Variants in PTPRT observed in about 807,000 individuals in gnomAD.
PTPRT encodes receptor-type tyrosine-protein phosphatase T.
In PTPRT, 56 loss-of-function variants were observed where a neutral mutation model predicts 176.8. The observed-to-expected ratio is 0.32, with a 90% CI of 0.26 to 0.40. The LOEUF (loss-of-function observed/expected upper bound fraction) is 0.40. Ranked by LOEUF, PTPRT falls within the 10% of genes least tolerant of loss-of-function variation. The pLI is 1.00. For missense variants in PTPRT, 1,540 were observed against 1,908.2 expected, an observed-to-expected ratio of 0.81 and a Z score of 3.60; for synonymous variants, 783 against 739.0, an observed-to-expected ratio of 1.06 and a Z score of -0.96.
chr20:42,066,702 G>C, the PTPRT span, among the ~76,000 whole-genome samples: 1 of 152,116 alleles, frequency 6.6e-6, no homozygotes, highest in South Asian at 2.1e-4. Context: ...TCTATTTCTT[G>C]AGCCAATTTT....
At chr20:42,355,019 T>C (rs2058338992) in intron 9 of PTPRT, among the ~76,000 whole-genome samples, 2 of 152,062 alleles carry the variant, frequency 1.3e-5, no homozygotes, top group Admixed American at 1.3e-4. Flanking sequence ...GTCTACAGCA[T>C]TCCCTCTGGT....
chr20:42,503,910 T>C (rs1007537316), intron 7 of PTPRT, among the ~76,000 whole-genome samples: 15 of 152,148 alleles, frequency 9.9e-5, no homozygotes, highest in Non-Finnish European at 1.6e-4. Flanking sequence ...TATAACCTGA[T>C]TGACTCCCTC....
rs751279909 is a variant in PTPRT, at chr20:42,076,778, G to A, written c.*4101C>T. On this transcript the variant is annotated 3_prime_UTR_variant, in exon 31 of 31. Transcript: ENST00000373187. ...ATAGAGTCATATTAAAACCAACAAGGCTAAATCAGAAAGTGGAATGCAAAT... is the reference window on the plus strand; with the variant it reads ...ATAGAGTCATATTAAAACCAACAAGACTAAATCAGAAAGTGGAATGCAAAT... 3 of 201,456 alleles carry A rather than the reference G, an allele frequency of 1.5e-5. No homozygotes were observed. The highest frequency in any genetic ancestry group is 1.5e-4 in the East Asian group (2 of 13,084). The allele number at this position is 201,456 out of a possible 1,614,324, so 12.5% of individuals were successfully genotyped here. A position where few individuals can be genotyped will look rare whatever the true frequency, so the allele number is the denominator to read the frequency against.
At chr20:42,523,761 C>T (rs1228563764) in intron 7 of PTPRT, among the ~76,000 whole-genome samples, 1 of 151,970 alleles carries the variant, frequency 6.6e-6, no homozygotes, top group Non-Finnish European at 1.5e-5. Flanking sequence ...ATTTTTTACC[C>T]TCTCTTTAAT....
At position 42,872,539 on chromosome 20, in the gene PTPRT, C is replaced by T. The variant is rs769932332; in HGVS notation, c.214+13268G>A. On this transcript the variant is annotated intron_variant, in intron 2 of 30. Coordinates refer to ENST00000373187, the MANE Select transcript of PTPRT (RefSeq NM_007050.6). ...TCTGCAAAGAAGCAGAAGCAGTTGC[C>T]CTGCTTGACAGACAGACGAATGGAG... Among the ~76,000 whole-genome samples, 11 of 152,148 alleles carry T rather than the reference C, an allele frequency of 7.2e-5. No individual in the cohort carries two copies. In the South Asian group the frequency reaches 1.7e-3, roughly 23 times the overall value.
chr20:42,665,421 A>G (rs1350282868), intron 7 of PTPRT, among the ~76,000 whole-genome samples: 3 of 152,116 alleles, frequency 2.0e-5, no homozygotes, highest in Admixed American at 6.5e-5. Flanking sequence ...TAGAATGGCA[A>G]TCATTAAAAA....
the PTPRT span, among the ~76,000 whole-genome samples, chr20:42,061,192 C>A: frequency 6.6e-6 from 1 of 152,086 alleles, no homozygotes; most frequent in Non-Finnish European, 1.5e-5. Flanking sequence ...GGTCAGGTAA[C>A]CTTCCAGGGG....
At chr20:42,448,846 T>C (rs1026014821) in intron 8 of PTPRT, among the ~76,000 whole-genome samples, 2 of 142,008 alleles carry the variant, frequency 1.4e-5, no homozygotes, top group Non-Finnish European at 3.0e-5. Context: ...ACACGAACGA[T>C]AGTTCATGAG....
intron 7 of PTPRT, among the ~76,000 whole-genome samples, chr20:42,637,932 G>A (rs973841617): frequency 6.6e-6 from 1 of 152,092 alleles, no homozygotes; most frequent in African/African-American, 2.4e-5. Flanking sequence ...AAATAAGAAT[G>A]TACACTATAT....
intron 18 of PTPRT, among the ~76,000 whole-genome samples, chr20:42,129,402 G>A (rs17312515): frequency 0.24 from 35,933 of 152,090 alleles, 4,628 homozygotes; most frequent in Non-Finnish European, 0.29. Context: ...TATAGAGGAT[G>A]CCTTTTCAAA....
chr20:42,304,460 A>G (rs2057515219), intron 12 of PTPRT, among the ~76,000 whole-genome samples: 2 of 152,166 alleles, frequency 1.3e-5, no homozygotes, highest in South Asian at 4.1e-4. Flanking sequence ...TTTAATATTT[A>G]GAAACATTCT....
Position 43,067,111 on chromosome 20 carries a change from T to C in PTPRT, c.88+122535A>G, listed in dbSNP as rs183056932. On this transcript the variant is annotated intron_variant, in intron 1 of 30. Transcript: ENST00000373187. ...AAATGTGGGTCAATGGGTGAATGAATTGTGGCATAGCCATATGAAATATTC... is the reference window on the plus strand; with the variant it reads ...AAATGTGGGTCAATGGGTGAATGAACTGTGGCATAGCCATATGAAATATTC... Among the ~76,000 whole-genome samples the C allele has an allele frequency of 6.6e-5, 10 of 152,352 alleles. No individual in the cohort carries two copies. In the East Asian group the frequency reaches 1.5e-3, roughly 23 times the overall value.
intron 16 of PTPRT, among the ~76,000 whole-genome samples, chr20:42,173,344 T>C (rs1266552114): frequency 6.6e-6 from 1 of 152,162 alleles, no homozygotes; most frequent in African/African-American, 2.4e-5. Flanking sequence ...GGGGAGTGTG[T>C]GTATCCTGGC....
intron 1 of PTPRT, among the ~76,000 whole-genome samples, chr20:43,045,655 G>T (rs1159843946): frequency 2.7e-5 from 4 of 149,252 alleles, no homozygotes; most frequent in Non-Finnish European, 5.9e-5. Context: ...TAAAGACAGG[G>T]TCTCACTATG....
At chr20:42,707,714 G>C (rs960766339) in intron 6 of PTPRT, among the ~76,000 whole-genome samples, 2 of 152,174 alleles carry the variant, frequency 1.3e-5, no homozygotes, top group Non-Finnish European at 2.9e-5. Context: ...GCTACTGGGG[G>C]AGGCTGAGGC....
chr20:42,584,129 T>A (rs1300615606), intron 7 of PTPRT, among the ~76,000 whole-genome samples: 1 of 152,220 alleles, frequency 6.6e-6, no homozygotes, highest in East Asian at 1.9e-4. Flanking sequence ...TGTCTTCTGA[T>A]GCTACATGGA....
At chr20:42,475,528 G>A (rs911357810) in intron 7 of PTPRT, among the ~76,000 whole-genome samples, 7 of 152,142 alleles carry the variant, frequency 4.6e-5, no homozygotes, top group Middle Eastern at 3.2e-3. Context: ...GCACCTTGAC[G>A]CCACCGGAGA....
chr20:42,852,932 A>G lies in PTPRT; in HGVS notation c.214+32875T>C, dbSNP rs902667446. On this transcript the variant is annotated intron_variant, in intron 2 of 30. Transcript: ENST00000373187. ...AAATGCAGGTTCCACCCAGGTTGCT[A>G]GCATACTTGAGGAGTCAAAGATGGT... 1.5e-4 allele frequency among the ~76,000 whole-genome samples: 23 copies of G among 152,170 alleles called. 1 individual carries two copies. The East Asian group carries it at 1.5e-3, about 10-fold the overall frequency.
chr20:42,475,478 G>A (rs1346504337), intron 7 of PTPRT, among the ~76,000 whole-genome samples: 1 of 152,230 alleles, frequency 6.6e-6, no homozygotes, highest in African/African-American at 2.4e-5. Context: ...GCACAGCCAA[G>A]ATATGAGGTC....
Sources: gnomAD v4.1 joint callset for allele counts (sites outside exome capture counted in the v4.1 genomes callset) on GRCh38, gnomAD v4.1.1 for gene constraint, MANE v1.5 for transcripts, NCBI Gene and HGNC (gene_info 2026-07-23, HGNC 2026-07-21) for gene names.